The following FNIP2 variants were observed in gnomAD, a reference collection of about 807,000 sequenced individuals.
FNIP2 encodes the protein folliculin interacting protein 2.
A neutral mutation model predicts 108.7 loss-of-function variants in FNIP2; 32 were observed. That is an observed-to-expected ratio of 0.29 (90% CI 0.22 to 0.40). The LOEUF is 0.40. Among genes scored for constraint, FNIP2 ranks in the 10% least tolerant of loss-of-function variants. The pLI, the probability that FNIP2 is intolerant of heterozygous loss-of-function variation, is 1.00. For synonymous variants in FNIP2, 480 were observed against 496.7 expected, an observed-to-expected ratio of 0.97 and a Z score of 0.45; for missense variants, 1,202 against 1,381.6, an observed-to-expected ratio of 0.87 and a Z score of 2.06.
In FNIP2 at chr4:158,843,087, A is replaced by G. The variant is rs145322923; in HGVS notation, c.727+7611A>G. 5.3e-5 allele frequency among the ~76,000 whole-genome samples: 8 copies of G among 152,324 alleles called. No homozygotes were observed. The East Asian group carries it at 1.5e-3, about 29-fold the overall frequency. ...CAGTGTTTCAAGCTAAAACTTGAAGATAAGTAGTGTCATATTACAGTAAAC... is the reference window on the plus strand; with the variant it reads ...CAGTGTTTCAAGCTAAAACTTGAAGGTAAGTAGTGTCATATTACAGTAAAC... On this transcript the variant is annotated intron_variant, in intron 7 of 16. Transcript: ENST00000264433.
rs187493425 is a variant in FNIP2, at chr4:158,813,840, G to C, written c.108-12076G>C. On this transcript the variant is annotated intron_variant, in intron 1 of 16. Coordinates refer to ENST00000264433, the MANE Select transcript of FNIP2 (RefSeq NM_020840.3). Reference sequence around the variant, plus strand: ...TACACTTAGGCTTGTAAGCCATTTTGGGTTTATTTTTGTGAAGGATGTAAG... The same window carrying C: ...TACACTTAGGCTTGTAAGCCATTTTCGGTTTATTTTTGTGAAGGATGTAAG... Among the ~76,000 whole-genome samples, 489 of 152,198 alleles carry C rather than the reference G, an allele frequency of 3.2e-3. 1 individual carries two copies. The highest frequency in any genetic ancestry group is 0.011 in the African/African-American group (470 of 41,542).
rs893436891 is a variant in FNIP2 at position 158,904,898 on chromosome 4, T to C, written c.*354T>C. The C allele has an allele frequency of 9.3e-6, 2 of 215,544 alleles. No homozygotes were observed. The highest frequency in any genetic ancestry group is 4.5e-5 in the African/African-American group (2 of 44,576). 13.4% of individuals were successfully genotyped at this position (215,544 alleles called of 1,614,324 possible). On this transcript the variant is annotated 3_prime_UTR_variant, in exon 17 of 17. Transcript: ENST00000264433. ...ATAAAGACAAGTGACTTGAGCGGGGTGGTCAGCAGTGTACATAATATTCCA... is the reference window on the plus strand; with the variant it reads ...ATAAAGACAAGTGACTTGAGCGGGGCGGTCAGCAGTGTACATAATATTCCA...
At chr4:158,814,236 G>A (rs1397706843) in intron 1 of FNIP2, among the ~76,000 whole-genome samples, 1 of 152,208 alleles carries the variant, frequency 6.6e-6, no homozygotes, top group African/African-American at 2.4e-5. Flanking sequence ...TGGTATCAAG[G>A]TGATAGTGCA....
chr4:158,893,749 T>C, intron 15 of FNIP2: 5 of 1,488,374 alleles, frequency 3.4e-6, no homozygotes, highest in Non-Finnish European at 4.6e-6. Context: ...TTAGACTTCA[T>C]AGTTTACTTC....
intron 1 of FNIP2, among the ~76,000 whole-genome samples, chr4:158,819,775 T>C (rs1315968685): frequency 1.3e-5 from 2 of 152,266 alleles, no homozygotes; most frequent in Non-Finnish European, 2.9e-5. Flanking sequence ...TCCCTTTTCT[T>C]CCACCCCCAG....
chr4:158,897,512 T>G (rs949202056), intron 16 of FNIP2, among the ~76,000 whole-genome samples: 1 of 152,236 alleles, frequency 6.6e-6, no homozygotes, highest in Admixed American at 6.5e-5. Flanking sequence ...TGTTTTTTCC[T>G]GACTTTTTAG....
intron 1 of FNIP2, among the ~76,000 whole-genome samples, chr4:158,800,134 C>T (rs895403263): frequency 1.3e-5 from 2 of 152,090 alleles, no homozygotes; most frequent in Non-Finnish European, 2.9e-5. Flanking sequence ...TTTCCTGGAG[C>T]CTTAACTTTC....
chr4:158,830,766 G>T (rs1407073836), intron 3 of FNIP2, among the ~76,000 whole-genome samples: 2 of 152,210 alleles, frequency 1.3e-5, no homozygotes, highest in African/African-American at 2.4e-5. Flanking sequence ...GCAGGTCGGG[G>T]TGCAGAACCA....
chr4:158,838,576 A>T (rs1201943483), intron 7 of FNIP2, among the ~76,000 whole-genome samples: 1 of 152,186 alleles, frequency 6.6e-6, no homozygotes, highest in African/African-American at 2.4e-5. Flanking sequence ...GGAAATTTTT[A>T]AAAATAGTTT....
chr4:158,846,938 C>T (rs542349337), intron 7 of FNIP2, among the ~76,000 whole-genome samples: 84 of 152,292 alleles, frequency 5.5e-4, no homozygotes, highest in South Asian at 1.2e-3. Context: ...CTCCCCAATC[C>T]CCTGGACGTG....
At chr4:158,869,650 G>T (rs897954683) in intron 13 of FNIP2, among the ~76,000 whole-genome samples, 4 of 152,226 alleles carry the variant, frequency 2.6e-5, no homozygotes, top group African/African-American at 4.8e-5. Context: ...CACTGGGACA[G>T]GTGGCCAGTG....
rs1729654270 is a variant in FNIP2, at chr4:158,904,497, G to T, written c.3298G>T (p.Ala1100Ser). The T allele has an allele frequency of 1.2e-6, 2 of 1,612,998 alleles. No homozygotes were observed. The highest frequency in any genetic ancestry group is 1.7e-6 in the Non-Finnish European group (2 of 1,179,786). Residue 1100 changes from alanine (A) to serine (S), a missense_variant, in exon 17 of 17, where the codon GCT (alanine) becomes TCT (serine). Ala to Ser is a moderately conservative substitution (Grantham distance 99). This residue lies in a region of FNIP2 where 142 missense variants were observed against 183.8 expected (regional missense o/e 0.77). Transcript: ENST00000264433. ...IESNDLPLLT[A>S]IASTHSPYVA... ...ATCCAACGACCTGCCTCTGTTGACT[G>T]CTATTGCCAGTACTCATTCTCCTTA...
At chr4:158,881,255 CT>C (rs1781579399) in intron 14 of FNIP2, among the ~76,000 whole-genome samples, 1 of 150,064 alleles carries the variant, frequency 6.7e-6, no homozygotes, top group African/African-American at 2.5e-5. Flanking sequence ...CGGTCTCCCT[CT>C]CCCTCTCTTT....
At chr4:158,861,856 C>A in intron 12 of FNIP2, 80 bp downstream of exon 12, 1 of 1,476,494 alleles carries the variant, frequency 6.8e-7, no homozygotes, top group African/African-American at 1.4e-5. Context: ...TTTATACCGG[C>A]TCTCTCACCC....
In FNIP2 at chr4:158,861,681, A is replaced by G; in HGVS notation, c.1370A>G (p.His457Arg). The G allele has an allele frequency of 1.9e-6, 3 of 1,613,906 alleles. No individual in the cohort carries two copies. The highest frequency in any genetic ancestry group is 2.5e-6 in the Non-Finnish European group (3 of 1,179,874). The change falls in exon 12 of 17, where the codon CAC becomes CGC. Residue 457 changes from histidine to arginine, a missense_variant. This residue lies in a region of FNIP2 where 878 missense variants were observed against 990.3 expected (regional missense o/e 0.89). Transcript: ENST00000264433. ...AWVPTVMPVD[H>R]PPIKAFSEKR... ...GTCCCAACTGTCATGCCTGTGGATC[A>G]CCCTCCCATCAAAGCCTTCTCAGAG...
At chr4:158,787,485 T>C (rs1189687247) in intron 1 of FNIP2, among the ~76,000 whole-genome samples, 2 of 152,136 alleles carry the variant, frequency 1.3e-5, no homozygotes, top group Non-Finnish European at 2.9e-5. Context: ...TTTTATAGAA[T>C]AGGAAAAGGC....
At chr4:158,832,044 C>T (rs967420774) in intron 4 of FNIP2, 23 bp from the exon 5 acceptor site, 1 of 1,610,188 alleles carries the variant, frequency 6.2e-7, no homozygotes, top group Non-Finnish European at 8.5e-7. Flanking sequence ...TATTTTTCCC[C>T]TCTCCTTTTT....
intron 14 of FNIP2, among the ~76,000 whole-genome samples, chr4:158,877,350 C>T (rs1280904716): frequency 6.6e-6 from 1 of 152,228 alleles, no homozygotes; most frequent in East Asian, 1.9e-4. Context: ...TTTCCCTCTA[C>T]CCCTAAGTCT....
chr4:158,819,580 G>A (rs767009625), intron 1 of FNIP2, among the ~76,000 whole-genome samples: 11 of 152,234 alleles, frequency 7.2e-5, no homozygotes, highest in Non-Finnish European at 1.5e-4. Context: ...AATAGGGGAA[G>A]AAAGGAGAGC....
Sources: allele counts gnomAD v4.1 joint callset (sites outside exome capture counted in the v4.1 genomes callset), GRCh38; gene constraint gnomAD v4.1.1; regional missense constraint gnomAD v4.1.1; transcripts MANE v1.5; gene names NCBI Gene and HGNC (gene_info 2026-07-23, HGNC 2026-07-21).